Variants in KIF6 observed in about 807,000 individuals in gnomAD.
KIF6 encodes the protein kinesin-like protein KIF6.
A neutral mutation model predicts 112.7 loss-of-function variants in KIF6; 106 were observed. The ratio of observed to expected loss-of-function variants is 0.94; its 90% CI spans 0.80 to 1.11. The LOEUF is 1.11. KIF6 is among the 50% of genes least tolerant of loss of function. KIF6 has a pLI of 0.00. For synonymous variants in KIF6, 339 were observed against 339.9 expected (o/e 1.00, Z 0.03); for missense variants, 929 against 964.0 (o/e 0.96, Z 0.48).
intron 7 of KIF6, among the ~76,000 whole-genome samples, chr6:39,589,268 G>A (rs1185264225): frequency 1.3e-5 from 2 of 152,138 alleles, no homozygotes; most frequent in Middle Eastern, 3.4e-3. Flanking sequence ...GCCTTCCCTG[G>A]ACACCCTATC....
intron 13 of KIF6, among the ~76,000 whole-genome samples, chr6:39,533,909 T>C (rs945651372): frequency 1.3e-5 from 2 of 152,218 alleles, no homozygotes; most frequent in South Asian, 2.1e-4. Flanking sequence ...TTCATGAAAA[T>C]CTGCTGTTCT....
At chr6:39,601,102 T>A (rs545519104) in intron 6 of KIF6, among the ~76,000 whole-genome samples, 1 of 152,154 alleles carries the variant, frequency 6.6e-6, no homozygotes, top group Non-Finnish European at 1.5e-5. Context: ...TATAGCAGAT[T>A]GGAATGTCCA....
intron 1 of KIF6, among the ~76,000 whole-genome samples, chr6:39,724,771 T>C (rs1358036670): frequency 6.6e-6 from 1 of 152,222 alleles, no homozygotes; most frequent in Non-Finnish European, 1.5e-5. Context: ...CATTTGTGTC[T>C]ATCTATATTT....
intron 10 of KIF6, among the ~76,000 whole-genome samples, chr6:39,565,179 A>C (rs1780213316): frequency 6.6e-6 from 1 of 150,520 alleles, no homozygotes; most frequent in African/African-American, 2.5e-5. Context: ...ATTTTTAAAC[A>C]CTTGATCTAT....
At chr6:39,527,150 G>A (rs11757080) in intron 13 of KIF6, among the ~76,000 whole-genome samples, 34,647 of 152,068 alleles carry the variant, frequency 0.23, 4,758 homozygotes, top group African/African-American at 0.37. Flanking sequence ...TCAAGGAACT[G>A]ACTCAAGGTT....
Position 39,418,543 on chromosome 6 carries a change from G to A in KIF6, c.1810+1405C>T, listed in dbSNP as rs570996658. Among the ~76,000 whole-genome samples the A allele has an allele frequency of 2.0e-4, 31 of 152,302 alleles. No homozygotes were observed. In the South Asian group the frequency reaches 4.4e-3, roughly 21 times the overall value. ...TATTTTACAACGTCTGCCCCTCTGT[G>A]ATATGACATGCAGGCCTCTGTGACT... On this transcript the variant is annotated intron_variant, in intron 15 of 22. Coordinates refer to ENST00000287152, the MANE Select transcript of KIF6 (RefSeq NM_145027.6).
At chr6:39,547,008 G>A (rs192175362) in intron 10 of KIF6, among the ~76,000 whole-genome samples, 106 of 152,230 alleles carry the variant, frequency 7.0e-4, no homozygotes, top group Non-Finnish European at 1.2e-3. Flanking sequence ...CATGGACATG[G>A]TTCCCCTCTA....
intron 13 of KIF6, among the ~76,000 whole-genome samples, chr6:39,470,270 T>C (rs1309119474): frequency 6.6e-6 from 1 of 152,106 alleles, no homozygotes; most frequent in Non-Finnish European, 1.5e-5. Context: ...TAGGAGCAAT[T>C]GCACATGGTG....
intron 15 of KIF6, among the ~76,000 whole-genome samples, chr6:39,409,938 C>A (rs1021811856): frequency 6.6e-6 from 1 of 152,218 alleles, no homozygotes; most frequent in Non-Finnish European, 1.5e-5. Context: ...TCCTTCTAAT[C>A]AATACAAGAC....
chr6:39,541,672 GCA>G (rs376188035), intron 12 of KIF6, among the ~76,000 whole-genome samples: 1 of 152,096 alleles, frequency 6.6e-6, no homozygotes, highest in African/African-American at 2.4e-5. Flanking sequence ...GCATGCACAT[GCA>G]CACACACACA....
intron 3 of KIF6, among the ~76,000 whole-genome samples, chr6:39,665,514 GA>G (rs548157075): frequency 4.0e-5 from 6 of 151,576 alleles, no homozygotes; most frequent in African/African-American, 9.7e-5. Context: ...TAATTAATTG[GA>G]AAAAAATAAT....
intron 6 of KIF6, 145 bp from the exon 7 acceptor site, chr6:39,596,405 C>T (rs1358409710): frequency 3.2e-6 from 2 of 626,134 alleles, no homozygotes; most frequent in Non-Finnish European, 5.6e-6. Context: ...TAACTGAGAC[C>T]TTTAAAGTAA....
intron 5 of KIF6, among the ~76,000 whole-genome samples, chr6:39,632,588 C>T (rs1367890535): frequency 7.1e-6 from 1 of 141,176 alleles, no homozygotes; most frequent in Admixed American, 7.1e-5. Context: ...CCAAGTACAG[C>T]AAAAAAAAAA....
At chr6:39,477,666 T>C (rs1436827181) in intron 13 of KIF6, among the ~76,000 whole-genome samples, 1 of 152,076 alleles carries the variant, frequency 6.6e-6, no homozygotes, top group Non-Finnish European at 1.5e-5. Context: ...ATTGAAACAA[T>C]CCTGGCCAAA....
intron 15 of KIF6, among the ~76,000 whole-genome samples, chr6:39,390,557 G>A (rs1018179592): frequency 2.0e-5 from 3 of 152,190 alleles, no homozygotes; most frequent in Non-Finnish European, 4.4e-5. Flanking sequence ...AGGTTGAGTG[G>A]AGGACTAGGG....
At chr6:39,420,374 C>T (rs1770262024) in intron 14 of KIF6, among the ~76,000 whole-genome samples, 1 of 152,110 alleles carries the variant, frequency 6.6e-6, no homozygotes. Context: ...ACTTACATAA[C>T]TTTTTTCTGA....
chr6:39,514,578 C>G (rs537507808), intron 13 of KIF6, among the ~76,000 whole-genome samples: 7 of 152,186 alleles, frequency 4.6e-5, no homozygotes, highest in Admixed American at 6.5e-5. Flanking sequence ...TGGGGAATAA[C>G]CTTGCAATAC....
chr6:39,543,204 A>T (rs1461534275), intron 12 of KIF6, among the ~76,000 whole-genome samples: 1 of 152,202 alleles, frequency 6.6e-6, no homozygotes, highest in Non-Finnish European at 1.5e-5. Context: ...AAAGGAGAAG[A>T]TCCTAGACTA....
chr6:39,720,927 A>T (rs912686947), intron 1 of KIF6, 116 bp from the exon 2 acceptor site: 2 of 591,178 alleles, frequency 3.4e-6, no homozygotes, highest in Admixed American at 2.9e-5. Flanking sequence ...TTAAAAAGTC[A>T]TAATATCATA....
Sources: gnomAD v4.1 joint callset for allele counts (sites outside exome capture counted in the v4.1 genomes callset) on GRCh38, gnomAD v4.1.1 for gene constraint, MANE v1.5 for transcripts, NCBI Gene and HGNC (gene_info 2026-07-23, HGNC 2026-07-21) for gene names.